TTC6: variants seen among roughly 807,000 people sequenced by gnomAD.
The protein encoded by TTC6 is tetratricopeptide repeat protein 6.
TTC6 carries 172 observed loss-of-function variants against 210.4 expected under a neutral mutation model. That is an observed-to-expected ratio of 0.82 (90% CI 0.72 to 0.93). The LOEUF (loss-of-function observed/expected upper bound fraction) is 0.93, where lower values mean the gene tolerates loss of function less well. Ranked by LOEUF, TTC6 falls within the 40% of genes least tolerant of loss-of-function variation. TTC6 has a pLI of 0.00. For synonymous variants in TTC6, 804 were observed against 819.6 expected (o/e 0.98, Z 0.32); for missense variants, 2,414 against 2,318.1 (o/e 1.04, Z -0.85).
intron 1 of TTC6, among the ~76,000 whole-genome samples, chr14:37,652,794 C>T (rs2139429527): frequency 6.6e-6 from 1 of 152,306 alleles, no homozygotes; most frequent in South Asian, 2.1e-4. Flanking sequence ...ATTGCTTTGA[C>T]TAGCACCCAC....
chr14:37,637,118 AAAG>A (rs1298527930), intron 1 of TTC6, among the ~76,000 whole-genome samples: 3 of 152,010 alleles, frequency 2.0e-5, no homozygotes, highest in African/African-American at 4.8e-5. Context: ...CCAAACCAAA[AAAG>A]AAGAACGAAA....
chr14:37,643,846 G>C (rs74669404), intron 1 of TTC6, among the ~76,000 whole-genome samples: 1 of 152,266 alleles, frequency 6.6e-6, no homozygotes, highest in East Asian at 1.9e-4. Flanking sequence ...TGAGACAGCT[G>C]AGACACTTTT....
At chr14:37,818,512 A>G (rs2096147723) in intron 26 of TTC6, among the ~76,000 whole-genome samples, 1 of 152,206 alleles carries the variant, frequency 6.6e-6, no homozygotes, top group African/African-American at 2.4e-5. Context: ...TTAAGTTAGA[A>G]TAGTTCCAAA....
At chr14:37,702,008 T>G (rs2095826370) in intron 5 of TTC6, among the ~76,000 whole-genome samples, 1 of 152,112 alleles carries the variant, frequency 6.6e-6, no homozygotes, top group African/African-American at 2.4e-5. Context: ...TCACCTTCCT[T>G]TGGAATCTGC....
intron 27 of TTC6, among the ~76,000 whole-genome samples, 166 bp from the exon 30 acceptor site, chr14:37,826,029 G>A (rs1360827749): frequency 6.6e-6 from 1 of 152,044 alleles, no homozygotes; most frequent in Non-Finnish European, 1.5e-5. Flanking sequence ...ACTGAATGCA[G>A]CCACAGTATG....
intron 1 of TTC6, among the ~76,000 whole-genome samples, chr14:37,631,493 A>G (rs1448696935): frequency 6.6e-6 from 1 of 152,152 alleles, no homozygotes; most frequent in East Asian, 1.9e-4. Flanking sequence ...TGTTAGTCTG[A>G]TGGGCTTCCC....
chr14:37,740,744 T>G (rs1308646140), intron 10 of TTC6, among the ~76,000 whole-genome samples: 1 of 152,192 alleles, frequency 6.6e-6, no homozygotes, highest in Non-Finnish European at 1.5e-5. Context: ...TGTAGGAGAC[T>G]GCAAGTAGGT....
At position 37,670,474 on chromosome 14, in the gene TTC6, C is replaced by CCTTTTTTTTTTTTTTTTT. The variant is rs532690678; in HGVS notation, c.940-9677_940-9676insCTTTTTTTTTTTTTTTTT. On this transcript the variant is annotated intron_variant, in intron 1 of 30. Coordinates refer to ENST00000553443, the Ensembl canonical transcript of TTC6. ...TAAGGATCTAGCACAAACTACCTCA[C>CCTTTTTTTTTTTTTTTTT]TTTTTTTTTTTTTTTTTTTTTAGTC... 2.5e-5 allele frequency among the ~76,000 whole-genome samples: 3 copies of CCTTTTTTTTTTTTTTTTT among 121,326 alleles called. 1 individual carries two copies. Among genetic ancestry groups the CCTTTTTTTTTTTTTTTTT allele is most frequent in the Non-Finnish European group, 1.7e-5 (1 of 59,544 alleles). The allele number at this position is 121,326 out of a possible 152,430, so 79.6% of individuals were successfully genotyped here. A position where few individuals can be genotyped will look rare whatever the true frequency, so the allele number is the denominator to read the frequency against.
chr14:37,762,323 A>G (rs1275669014), intron 14 of TTC6, among the ~76,000 whole-genome samples: 3 of 152,186 alleles, frequency 2.0e-5, no homozygotes, highest in African/African-American at 4.8e-5. Flanking sequence ...CTGATTTCAA[A>G]TACTTTGGAT....
intron 6 of TTC6, chr14:37,720,318 TAA>T (rs1255722128): frequency 2.0e-5 from 3 of 152,152 alleles, no homozygotes; most frequent in African/African-American, 7.2e-5. Context: ...TTCTGTAAGA[TAA>T]AGTGTCTGTC....
At chr14:37,722,987 CATTT>C (rs2138818106) in intron 6 of TTC6, among the ~76,000 whole-genome samples, 1 of 152,204 alleles carries the variant, frequency 6.6e-6, no homozygotes, top group East Asian at 1.9e-4. Context: ...TTTACTCAGT[CATTT>C]ATTTATATCA....
chr14:37,691,184 G>T (rs1001204669), intron 3 of TTC6, among the ~76,000 whole-genome samples: 1 of 152,004 alleles, frequency 6.6e-6, no homozygotes, highest in African/African-American at 2.4e-5. Flanking sequence ...ACAAAAATTA[G>T]CCAGGTGTGC....
chr14:37,709,713 AAAT>A (rs1672705699), intron 5 of TTC6, among the ~76,000 whole-genome samples: 1 of 150,720 alleles, frequency 6.6e-6, no homozygotes, highest in African/African-American at 2.4e-5. Context: ...AAAAAAAAAA[AAAT>A]TATATAGTTA....
chr14:37,603,518 CT>C (rs1216438231), intron 1 of TTC6, among the ~76,000 whole-genome samples: 3 of 152,196 alleles, frequency 2.0e-5, no homozygotes, highest in African/African-American at 7.2e-5. Flanking sequence ...AATTTCCTTC[CT>C]TTTTGCTGAA....
At chr14:37,767,606 A>T (rs2096003394) in intron 14 of TTC6, among the ~76,000 whole-genome samples, 1 of 152,096 alleles carries the variant, frequency 6.6e-6, no homozygotes, top group Non-Finnish European at 1.5e-5. Context: ...TTCTTTTGAG[A>T]AGTGTCTGTT....
At chr14:37,712,980 A>C (rs148658315) in intron 5 of TTC6, among the ~76,000 whole-genome samples, 1 of 152,188 alleles carries the variant, frequency 6.6e-6, no homozygotes, top group Non-Finnish European at 1.5e-5. Context: ...TTCACAGAGC[A>C]TGTTTAACTG....
intron 29 of TTC6, among the ~76,000 whole-genome samples, chr14:37,829,847 G>A (rs992671313): frequency 6.6e-6 from 1 of 151,846 alleles, no homozygotes; most frequent in African/African-American, 2.4e-5. Context: ...CCATTTTGTT[G>A]TAAGTTTTAT....
At chr14:37,818,726 G>C (rs2096148358) in intron 26 of TTC6, among the ~76,000 whole-genome samples, 1 of 151,804 alleles carries the variant, frequency 6.6e-6, no homozygotes, top group Admixed American at 6.6e-5. Flanking sequence ...GGCTTAAACT[G>C]GTCTCAGACC....
At chr14:37,837,157 T>C (rs1269474312) in intron 29 of TTC6, among the ~76,000 whole-genome samples, 1 of 152,198 alleles carries the variant, frequency 6.6e-6, no homozygotes, top group East Asian at 1.9e-4. Context: ...CTAAGTAATA[T>C]ATTTGGAAGC....
Sources: gnomAD v4.1 joint callset for allele counts (sites outside exome capture counted in the v4.1 genomes callset) on GRCh38, gnomAD v4.1.1 for gene constraint, MANE v1.5 for transcripts, NCBI Gene and HGNC (gene_info 2026-07-23, HGNC 2026-07-21) for gene names.